DNER: variants seen among roughly 807,000 people sequenced by gnomAD.
DNER encodes the protein delta and Notch-like epidermal growth factor-related receptor.
A neutral mutation model predicts 78.2 loss-of-function variants in DNER; 33 were observed. The ratio of observed to expected loss-of-function variants is 0.42; its 90% confidence interval spans 0.32 to 0.56. The LOEUF (loss-of-function observed/expected upper bound fraction) is 0.56, where lower values mean the gene tolerates loss of function less well. Ranked by LOEUF, DNER falls within the 20% of genes least tolerant of loss-of-function variation. The pLI, the probability that DNER is intolerant of heterozygous loss-of-function variation, is 0.11. For synonymous variants in DNER, 417 were observed against 384.8 expected, an observed-to-expected ratio of 1.08 and a Z score of -0.98; for missense variants, 918 against 975.3, an observed-to-expected ratio of 0.94 and a Z score of 0.78.
intron 6 of DNER, among the ~76,000 whole-genome samples, chr2:229,511,346 A>G (rs927306568): frequency 6.6e-6 from 1 of 152,242 alleles, no homozygotes; most frequent in Non-Finnish European, 1.5e-5. Flanking sequence ...AGCTGTGTCA[A>G]AACGTTCCCT....
chr2:229,617,170 A>T (rs1157898792), intron 1 of DNER, among the ~76,000 whole-genome samples: 1 of 152,180 alleles, frequency 6.6e-6, no homozygotes, highest in African/African-American at 2.4e-5. Context: ...GAGTATGGTA[A>T]CTAAAATAAG....
intron 11 of DNER, 41 bp from the exon 12 acceptor site, chr2:229,367,160 A>C (rs1348075728): frequency 6.2e-7 from 1 of 1,609,732 alleles, no homozygotes; most frequent in Admixed American, 1.7e-5. Flanking sequence ...ATGAGTTGTC[A>C]CCTTTGAGAA....
chr2:229,647,379 C>A (rs921609709), intron 1 of DNER, among the ~76,000 whole-genome samples: 4 of 152,218 alleles, frequency 2.6e-5, no homozygotes, highest in Non-Finnish European at 5.9e-5. Context: ...CAGAACTCAA[C>A]TTCCCCACTT....
chr2:229,663,952 T>C (rs1291648958), intron 1 of DNER, among the ~76,000 whole-genome samples: 1 of 152,102 alleles, frequency 6.6e-6, no homozygotes, highest in African/African-American at 2.4e-5. Context: ...CTCAACCTTC[T>C]GTATGTGTGC....
intron 4 of DNER, among the ~76,000 whole-genome samples, chr2:229,552,189 C>A (rs1314444586): frequency 6.6e-6 from 1 of 152,170 alleles, no homozygotes; most frequent in Non-Finnish European, 1.5e-5. Context: ...ACAGGCAGTG[C>A]ATGCTTGAGG....
chr2:229,470,030 C>G (rs1287128567), intron 7 of DNER, among the ~76,000 whole-genome samples: 1 of 152,220 alleles, frequency 6.6e-6, no homozygotes, highest in Non-Finnish European at 1.5e-5. Context: ...AGCATCAGTA[C>G]TGTTATAGGT....
intron 1 of DNER, chr2:229,701,723 GGTCCCACGTGA>G (rs2154217669): frequency 6.6e-6 from 1 of 152,284 alleles, no homozygotes; most frequent in African/African-American, 2.4e-5. Context: ...AGGGTATGTG[GGTCCCACGTGA>G]GCCCCACCCC....
At position 229,714,489 on chromosome 2, in the gene DNER, G is replaced by T. The variant is rs920766789; in HGVS notation, c.-66C>A. The stretch of plus-strand genomic sequence containing the variant: ...TGACGGCGGCGGCGGTGGCAGTGGC[G>T]ACGAGAGCTGCGAGAGCGACGGTGG... On this transcript the variant is annotated 5_prime_UTR_variant, in exon 1 of 13. Transcript: ENST00000341772. The T allele has an allele frequency of 2.8e-6, 3 of 1,082,744 alleles. No individual in the cohort carries two copies. Among genetic ancestry groups the T allele is most frequent in the South Asian group, 4.3e-5 (1 of 23,078 alleles). The allele number at this position is 1,082,744 out of a possible 1,614,324, so 67.1% of individuals were successfully genotyped here. A position where few individuals can be genotyped will look rare whatever the true frequency, so the allele number is the denominator to read the frequency against.
intron 11 of DNER, among the ~76,000 whole-genome samples, chr2:229,381,824 T>C (rs1159055204): frequency 1.3e-5 from 2 of 152,118 alleles, no homozygotes; most frequent in East Asian, 3.9e-4. Context: ...ACAGAGCACC[T>C]GGGGGAAGGG....
chr2:229,378,447 C>T (rs989373872), intron 11 of DNER, among the ~76,000 whole-genome samples: 1 of 152,144 alleles, frequency 6.6e-6, no homozygotes, highest in African/African-American at 2.4e-5. Context: ...GCAGGGATGA[C>T]CTTGACCTGC....
chr2:229,460,633 A>G (rs1175413741), intron 7 of DNER, among the ~76,000 whole-genome samples: 1 of 152,106 alleles, frequency 6.6e-6, no homozygotes, highest in Non-Finnish European at 1.5e-5. Flanking sequence ...AATTATAGCC[A>G]TCAAATTTGA....
At chr2:229,585,185 C>T (rs943005600) in intron 4 of DNER, among the ~76,000 whole-genome samples, 1 of 152,180 alleles carries the variant, frequency 6.6e-6, no homozygotes, top group African/African-American at 2.4e-5. Context: ...GAGAGACCAA[C>T]ATCCAACACC....
At chr2:229,666,515 A>G (rs1275807153) in intron 1 of DNER, among the ~76,000 whole-genome samples, 1 of 152,346 alleles carries the variant, frequency 6.6e-6, no homozygotes, top group East Asian at 1.9e-4. Context: ...CAACCTAGGC[A>G]AGAGATAAAA....
intron 1 of DNER, among the ~76,000 whole-genome samples, chr2:229,668,608 CAT>C (rs1462241945): frequency 7.6e-6 from 1 of 131,386 alleles, no homozygotes; most frequent in African/African-American, 3.0e-5. Flanking sequence ...GGCCAACAAA[CAT>C]ATGAAAAAAA....
In DNER at chr2:229,458,930, C is replaced by T. The variant is rs1464842124; in HGVS notation, c.1262-11390G>A. Among the ~76,000 whole-genome samples the T allele has an allele frequency of 3.3e-5, 5 of 151,972 alleles. No homozygotes were observed. In the East Asian group the frequency reaches 9.6e-4, roughly 29 times the overall value. ...GTAAATTTAGCAAACTGTCAGCATA[C>T]AAAGTCAATATACAAAAATCAATAG... On this transcript the variant is annotated intron_variant, in intron 7 of 12. Coordinates refer to ENST00000341772, the MANE Select transcript of DNER (RefSeq NM_139072.4).
chr2:229,449,823 G>A (rs191657697), intron 7 of DNER, among the ~76,000 whole-genome samples: 7 of 152,254 alleles, frequency 4.6e-5, no homozygotes, highest in Non-Finnish European at 7.4e-5. Flanking sequence ...TCACTCTGTT[G>A]CCCAGGCTGG....
At chr2:229,506,490 G>A (rs961886781) in intron 6 of DNER, among the ~76,000 whole-genome samples, 1 of 150,144 alleles carries the variant, frequency 6.7e-6, no homozygotes, top group Non-Finnish European at 1.5e-5. Flanking sequence ...TCATATATTT[G>A]TAATGCAAAA....
chr2:229,489,527 TGAG>T (rs146785462), intron 6 of DNER, among the ~76,000 whole-genome samples: 18,133 of 89,872 alleles, frequency 0.2, 1,273 homozygotes, highest in South Asian at 0.3. Flanking sequence ...AGGAAGGTGG[TGAG>T]GAGGAGGGGG....
At chr2:229,573,597 G>A (rs193065817) in intron 4 of DNER, among the ~76,000 whole-genome samples, 26 of 152,200 alleles carry the variant, frequency 1.7e-4, no homozygotes, top group African/African-American at 5.3e-4. Context: ...TTCTGACCTC[G>A]TAAAAAGTCT....
Sources: allele counts gnomAD v4.1 joint callset (sites outside exome capture counted in the v4.1 genomes callset), GRCh38; gene constraint gnomAD v4.1.1; transcripts MANE v1.5; gene names NCBI Gene and HGNC (gene_info 2026-07-23, HGNC 2026-07-21).